Variants in SGMS1 observed in about 807,000 individuals in gnomAD.
The protein encoded by SGMS1 is phosphatidylcholine:ceramide cholinephosphotransferase 1.
SGMS1 carries 13 observed loss-of-function variants against 46.2 expected under a neutral mutation model. The ratio of observed to expected loss-of-function variants is 0.28; its 90% CI spans 0.18 to 0.45. The LOEUF (loss-of-function observed/expected upper bound fraction) is 0.45. Ranked by LOEUF, SGMS1 falls within the 20% of genes least tolerant of loss-of-function variation. SGMS1 has a pLI of 1.00. For missense variants in SGMS1, 324 were observed against 519.9 expected, an observed-to-expected ratio of 0.62 and a Z score of 3.66; for synonymous variants, 203 against 187.8, an observed-to-expected ratio of 1.08 and a Z score of -0.66.
In SGMS1 at chr10:50,437,081, T is replaced by C. The variant is rs74669358; in HGVS notation, c.-312-3525A>G. ...AAAAGACATAATGTCTATACACAAT[T>C]TAATAAAGTTCATGGCAAACAGTAA... On this transcript the variant is annotated intron_variant, in intron 5 of 10. Coordinates refer to ENST00000361781, the MANE Select transcript of SGMS1 (RefSeq NM_147156.4). Among the ~76,000 whole-genome samples the C allele has an allele frequency of 5.0e-3, 754 of 152,320 alleles. 9 individuals are homozygous for C. Among genetic ancestry groups the C allele is most frequent in the Admixed American group, 0.028 (428 of 15,294 alleles).
chr10:50,464,734 C>T (rs541844608), intron 4 of SGMS1, among the ~76,000 whole-genome samples: 7 of 152,198 alleles, frequency 4.6e-5, no homozygotes, highest in South Asian at 4.1e-4. Context: ...GCGCCTGGCC[C>T]GTTGATTTTA....
At chr10:50,493,500 A>T (rs1314131888) in intron 3 of SGMS1, among the ~76,000 whole-genome samples, 3 of 152,208 alleles carry the variant, frequency 2.0e-5, no homozygotes, top group African/African-American at 7.2e-5. Flanking sequence ...AAGAGCTTCT[A>T]CATAGCAAAA....
At chr10:50,623,286 C>T (rs778735881) in intron 1 of SGMS1, among the ~76,000 whole-genome samples, 135 of 152,244 alleles carry the variant, frequency 8.9e-4, no homozygotes, top group Non-Finnish European at 1.5e-3. Context: ...GAGTCGGCCC[C>T]TGGGTGGGGG....
intron 3 of SGMS1, among the ~76,000 whole-genome samples, chr10:50,477,572 G>C (rs980081331): frequency 7.9e-5 from 12 of 152,156 alleles, no homozygotes; most frequent in Middle Eastern, 3.2e-3. Flanking sequence ...GGAGGAGCCA[G>C]GGGCAGAATG....
intron 2 of SGMS1, among the ~76,000 whole-genome samples, chr10:50,538,498 C>T (rs1026442232): frequency 1.3e-5 from 2 of 151,818 alleles, no homozygotes; most frequent in Admixed American, 6.6e-5. Context: ...ATCAGGGGTG[C>T]CTTCAGCATT....
intron 5 of SGMS1, among the ~76,000 whole-genome samples, chr10:50,445,096 A>G (rs1836994125): frequency 6.6e-6 from 1 of 152,236 alleles, no homozygotes; most frequent in African/African-American, 2.4e-5. Flanking sequence ...ATGGCCAATA[A>G]GTACATGAAA....
intron 2 of SGMS1, among the ~76,000 whole-genome samples, chr10:50,544,575 G>C (rs1838083921): frequency 6.6e-6 from 1 of 152,050 alleles, no homozygotes. Context: ...TTATTGAAAA[G>C]GTAAGACAAT....
chr10:50,464,677 G>C (rs746112079), intron 4 of SGMS1, among the ~76,000 whole-genome samples: 2 of 152,192 alleles, frequency 1.3e-5, no homozygotes, highest in African/African-American at 2.4e-5. Flanking sequence ...CAAGTGATTT[G>C]CCCGCCTTGG....
At chr10:50,527,142 C>A (rs1363488250) in intron 2 of SGMS1, among the ~76,000 whole-genome samples, 1 of 151,092 alleles carries the variant, frequency 6.6e-6, no homozygotes, top group Non-Finnish European at 1.5e-5. Flanking sequence ...GCAGCTCATC[C>A]ACAGCCATCC....
chr10:50,542,249 G>A (rs1307707006), intron 2 of SGMS1, among the ~76,000 whole-genome samples: 1 of 152,104 alleles, frequency 6.6e-6, no homozygotes. Flanking sequence ...CAGGTTCTAT[G>A]TCTCAAAAAA....
chr10:50,484,188 C>A (rs906088562), intron 3 of SGMS1, among the ~76,000 whole-genome samples: 13 of 151,868 alleles, frequency 8.6e-5, no homozygotes, highest in Admixed American at 5.2e-4. Flanking sequence ...ATCAACTAGA[C>A]AAAATAAAAA....
At chr10:50,561,092 T>C (rs960247165) in intron 2 of SGMS1, among the ~76,000 whole-genome samples, 1 of 152,136 alleles carries the variant, frequency 6.6e-6, no homozygotes, top group African/African-American at 2.4e-5. Flanking sequence ...ACTGGTACAA[T>C]TGACAGAAAC....
At chr10:50,511,445 G>A (rs1837754693) in intron 3 of SGMS1, among the ~76,000 whole-genome samples, 1 of 152,166 alleles carries the variant, frequency 6.6e-6, no homozygotes, top group Admixed American at 6.6e-5. Flanking sequence ...CAGAGCCATT[G>A]AGTATGAAAC....
intron 6 of SGMS1, among the ~76,000 whole-genome samples, chr10:50,412,076 T>C (rs1363419227): frequency 6.6e-6 from 1 of 152,170 alleles, no homozygotes; most frequent in Non-Finnish European, 1.5e-5. Context: ...AGGGATGAGC[T>C]GGCTGTGAAT....
chr10:50,348,171 T>C (rs1847945549), intron 6 of SGMS1, among the ~76,000 whole-genome samples: 2 of 152,308 alleles, frequency 1.3e-5, no homozygotes, highest in East Asian at 1.9e-4. Flanking sequence ...TTCACCCATG[T>C]CCCTGCTATT....
intron 5 of SGMS1, among the ~76,000 whole-genome samples, chr10:50,446,089 G>A (rs1355463416): frequency 6.6e-6 from 1 of 152,074 alleles, no homozygotes; most frequent in Non-Finnish European, 1.5e-5. Flanking sequence ...CTCAAACCCT[G>A]TCTCCTGGTA....
chr10:50,537,309 C>T (rs908916797), intron 2 of SGMS1, among the ~76,000 whole-genome samples: 8 of 152,068 alleles, frequency 5.3e-5, no homozygotes, highest in African/African-American at 1.4e-4. Context: ...CTCAAACCCT[C>T]CTACTGCTAA....
chr10:50,451,617 C>G (rs549816671), intron 5 of SGMS1, among the ~76,000 whole-genome samples: 1 of 152,186 alleles, frequency 6.6e-6, no homozygotes, highest in Non-Finnish European at 1.5e-5. Flanking sequence ...ATCAGCAACA[C>G]GAGCAGCAGA....
intron 3 of SGMS1, among the ~76,000 whole-genome samples, chr10:50,467,684 C>T (rs1352719870): frequency 6.6e-6 from 1 of 152,192 alleles, no homozygotes; most frequent in Non-Finnish European, 1.5e-5. Context: ...AAATAGCACA[C>T]ATTAGTTTTG....
Sources: gnomAD v4.1 joint callset for allele counts (sites outside exome capture counted in the v4.1 genomes callset) on GRCh38, gnomAD v4.1.1 for gene constraint, MANE v1.5 for transcripts, NCBI Gene and HGNC (gene_info 2026-07-23, HGNC 2026-07-21) for gene names.